ZC3H3: variants seen among roughly 807,000 people sequenced by gnomAD.
ZC3H3 encodes the protein zinc finger CCCH-type containing 3, also known as zinc finger CCCH domain-containing protein 3.
In ZC3H3, 36 loss-of-function variants were observed where a neutral mutation model predicts 77.3. The ratio of observed to expected loss-of-function variants is 0.47; its 90% confidence interval spans 0.36 to 0.61. The LOEUF is 0.61. Among genes scored for constraint, ZC3H3 ranks in the 20% least tolerant of loss-of-function variants. The probability of loss-of-function intolerance (pLI) is 0.00; values close to 1 mark genes in which losing one functional copy is unlikely to be tolerated. For synonymous variants in ZC3H3, 626 were observed against 555.2 expected, an observed-to-expected ratio of 1.13 and a Z score of -1.79; for missense variants, 1,331 against 1,312.2, an observed-to-expected ratio of 1.01 and a Z score of -0.22.
At chr8:143,450,371 G>C (rs1203088753) in intron 9 of ZC3H3, among the ~76,000 whole-genome samples, 1 of 152,134 alleles carries the variant, frequency 6.6e-6, no homozygotes, top group Admixed American at 6.5e-5. Flanking sequence ...AGTAGAGATG[G>C]GGTTTGGCCA....
At chr8:143,535,777 G>A (rs1822776124) in intron 3 of ZC3H3, among the ~76,000 whole-genome samples, 1 of 152,208 alleles carries the variant, frequency 6.6e-6, no homozygotes, top group Admixed American at 6.5e-5. Flanking sequence ...GGTACAGCAG[G>A]AGACCAGACC....
At chr8:143,463,714 C>T (rs994412960) in intron 9 of ZC3H3, among the ~76,000 whole-genome samples, 1 of 152,212 alleles carries the variant, frequency 6.6e-6, no homozygotes, top group Non-Finnish European at 1.5e-5. Flanking sequence ...TGCACCAGGA[C>T]AGGGACGCCT....
intron 5 of ZC3H3, among the ~76,000 whole-genome samples, chr8:143,471,753 C>G (rs1820571200): frequency 6.6e-6 from 1 of 152,200 alleles, no homozygotes; most frequent in Admixed American, 6.5e-5. Flanking sequence ...CCAGGACAGC[C>G]ACCCCCACCC....
At chr8:143,456,406 A>C (rs1820123855) in intron 9 of ZC3H3, among the ~76,000 whole-genome samples, 1 of 152,202 alleles carries the variant, frequency 6.6e-6, no homozygotes, top group African/African-American at 2.4e-5. Context: ...TGCTGTCTAC[A>C]AGAAAGTCAC....
At chr8:143,443,090 T>C (rs549925719) in intron 9 of ZC3H3, among the ~76,000 whole-genome samples, 19 of 152,074 alleles carry the variant, frequency 1.2e-4, no homozygotes, top group East Asian at 3.9e-4. Context: ...CTGACCAACA[T>C]GGTGAAACGG....
At chr8:143,478,053 C>T (rs755462082) in intron 4 of ZC3H3, among the ~76,000 whole-genome samples, 44 of 152,184 alleles carry the variant, frequency 2.9e-4, no homozygotes, top group Non-Finnish European at 4.7e-4. Context: ...ACCCCGCCCA[C>T]GGCACAGGCT....
intron 3 of ZC3H3, among the ~76,000 whole-genome samples, chr8:143,531,143 A>G (rs887045876): frequency 1.3e-5 from 2 of 151,952 alleles, no homozygotes; most frequent in African/African-American, 2.4e-5. Flanking sequence ...CATTTTTTGT[A>G]GAGATGGGGT....
rs745587263 is a variant in ZC3H3 at position 143,468,194 on chromosome 8, C to T, written c.2175+15G>A. The T allele has an allele frequency of 6.2e-7, 1 of 1,605,582 alleles. No homozygotes were observed. The highest frequency in any genetic ancestry group is 8.5e-7 in the Non-Finnish European group (1 of 1,174,450). ...GAAAGGTGCACGGGAGCAGGGCCAC[C>T]AGCGCCGCACTCACCTTCTCCTTGG... On this transcript the variant is annotated intron_variant, in intron 8 of 11. Transcript: ENST00000262577.
At chr8:143,500,108 C>T (rs755503327) in intron 4 of ZC3H3, among the ~76,000 whole-genome samples, 1 of 152,208 alleles carries the variant, frequency 6.6e-6, no homozygotes, top group Non-Finnish European at 1.5e-5. Flanking sequence ...CAGGCCCCTG[C>T]CCTCAAAGGG....
chr8:143,443,734 G>A (rs986575545), intron 9 of ZC3H3, among the ~76,000 whole-genome samples: 1 of 152,206 alleles, frequency 6.6e-6, no homozygotes, highest in Non-Finnish European at 1.5e-5. Flanking sequence ...GAAGGAAGAT[G>A]TAAACAATGT....
chr8:143,438,203 G>A, intron 11 of ZC3H3, 116 bp from the exon 12 acceptor site: 1 of 1,322,494 alleles, frequency 7.6e-7, no homozygotes, highest in Non-Finnish European at 1.1e-6. Flanking sequence ...AGCACACACA[G>A]CAAGGTCTGC....
At chr8:143,470,620 A>G (rs1820537509) in intron 5 of ZC3H3, among the ~76,000 whole-genome samples, 1 of 152,190 alleles carries the variant, frequency 6.6e-6, no homozygotes, top group African/African-American at 2.4e-5. Flanking sequence ...CTGCGACGCC[A>G]TCTGCTCCAG....
intron 4 of ZC3H3, among the ~76,000 whole-genome samples, chr8:143,483,251 C>G (rs61206940): frequency 1.3e-5 from 2 of 152,178 alleles, no homozygotes; most frequent in Non-Finnish European, 2.9e-5. Flanking sequence ...CGCTGACACC[C>G]CCATCACCGT....
rs1417592158 is a variant in ZC3H3 at position 143,468,347 on chromosome 8, C to T, written c.2105+35G>A. On this transcript the variant is annotated intron_variant, in intron 7 of 11. Coordinates refer to ENST00000262577, the MANE Select transcript of ZC3H3 (RefSeq NM_015117.3). ...ACCAAGGGCAGGGCCCTGCACAGAACCTCCCCCAGGCCCACAGCGAGGGCA... is the reference window on the plus strand; with the variant it reads ...ACCAAGGGCAGGGCCCTGCACAGAATCTCCCCCAGGCCCACAGCGAGGGCA... 2.5e-6 allele frequency: 4 copies of T among 1,611,640 alleles called. 1 individual carries two copies. In the Admixed American group the frequency reaches 5.0e-5, roughly 20 times the overall value.
chr8:143,461,308 G>C (rs1368741130), intron 9 of ZC3H3, among the ~76,000 whole-genome samples: 3 of 152,174 alleles, frequency 2.0e-5, no homozygotes, highest in Non-Finnish European at 4.4e-5. Flanking sequence ...CAGGGATACG[G>C]CACGCCACGC....
intron 4 of ZC3H3, among the ~76,000 whole-genome samples, chr8:143,483,300 G>A (rs1373126567): frequency 6.6e-6 from 1 of 152,234 alleles, no homozygotes; most frequent in East Asian, 1.9e-4. Flanking sequence ...GTGTCCATGC[G>A]TGTGCGCGTG....
chr8:143,533,674 G>A lies in ZC3H3; in HGVS notation c.1561+2583C>T, dbSNP rs959164016. ...CCCTCTCCTCTCACTCCATGCAGCC[G>A]CCACGCTGGTCTTTTTTTTTTTTTT... On this transcript the variant is annotated intron_variant, in intron 3 of 11. Coordinates refer to ENST00000262577, the MANE Select transcript of ZC3H3 (RefSeq NM_015117.3). The surrounding 1 kb of genome is among the most constrained non-coding windows in gnomAD (Gnocchi z 4.0). 2.0e-5 allele frequency among the ~76,000 whole-genome samples: 3 copies of A among 147,104 alleles called. No individual in the cohort carries two copies. The highest frequency in any genetic ancestry group is 2.0e-4 in the East Asian group (1 of 5,078).
intron 3 of ZC3H3, among the ~76,000 whole-genome samples, chr8:143,528,119 C>T (rs531001611): frequency 6.6e-6 from 1 of 152,308 alleles, no homozygotes; most frequent in East Asian, 1.9e-4. Flanking sequence ...CCCTGGCACC[C>T]TCCCCCACTG....
At chr8:143,483,297 T>C (rs73715621) in intron 4 of ZC3H3, among the ~76,000 whole-genome samples, 2,791 of 152,318 alleles carry the variant, frequency 0.018, 77 homozygotes, top group African/African-American at 0.063. Flanking sequence ...TGTGTGTCCA[T>C]GCGTGTGCGC....
Sources: allele counts gnomAD v4.1 joint callset (sites outside exome capture counted in the v4.1 genomes callset), GRCh38; gene constraint gnomAD v4.1.1; non-coding constraint Gnocchi (gnomAD v3.1); transcripts MANE v1.5; gene names NCBI Gene and HGNC (gene_info 2026-07-23, HGNC 2026-07-21).